HYCC2: variants seen among roughly 807,000 people sequenced by gnomAD.
HYCC2 encodes the protein hyccin 2.
the HYCC2 span, among the ~76,000 whole-genome samples, chr2:200,997,729 A>G: frequency 6.6e-6 from 1 of 152,170 alleles, no homozygotes; most frequent in Non-Finnish European, 1.5e-5. Flanking sequence ...CTTGTCATCT[A>G]TATTTCCGTT....
chr2:201,044,840 T>G, the HYCC2 span, among the ~76,000 whole-genome samples: 2 of 152,164 alleles, frequency 1.3e-5, no homozygotes, highest in Non-Finnish European at 2.9e-5. Context: ...TGAATACCAA[T>G]TACATGCTAG....
At chr2:201,067,492 T>C in the HYCC2 span, among the ~76,000 whole-genome samples, 1 of 152,232 alleles carries the variant, frequency 6.6e-6, no homozygotes, top group Non-Finnish European at 1.5e-5. Flanking sequence ...TCACACCTCT[T>C]AATATATTAC....
the HYCC2 span, chr2:200,987,267 C>A: frequency 3.7e-6 from 4 of 1,091,866 alleles, no homozygotes; most frequent in Non-Finnish European, 4.8e-6. Flanking sequence ...ACTAGAAACA[C>A]ACATTAGAAT....
the HYCC2 span, chr2:200,974,653 T>A: frequency 6.6e-6 from 1 of 151,944 alleles, no homozygotes; most frequent in African/African-American, 2.4e-5. Context: ...AGCTAATCAA[T>A]ATACTCATTA....
the HYCC2 span, among the ~76,000 whole-genome samples, chr2:201,041,890 A>G: frequency 2.0e-5 from 3 of 152,200 alleles, no homozygotes; most frequent in Non-Finnish European, 2.9e-5. Flanking sequence ...CCAACTCTAA[A>G]ATCCTAAAAA....
the HYCC2 span, among the ~76,000 whole-genome samples, chr2:201,033,039 T>C: frequency 6.6e-6 from 1 of 152,044 alleles, no homozygotes; most frequent in Non-Finnish European, 1.5e-5. Context: ...TTTTTAAATG[T>C]ATATTACTAC....
the HYCC2 span, among the ~76,000 whole-genome samples, chr2:201,005,991 G>A: frequency 6.6e-6 from 1 of 151,832 alleles, no homozygotes; most frequent in Non-Finnish European, 1.5e-5. Context: ...GCGCCACCAC[G>A]CCTGGCTAAC....
the HYCC2 span, among the ~76,000 whole-genome samples, chr2:201,029,376 C>G: frequency 6.6e-6 from 1 of 152,106 alleles, no homozygotes; most frequent in East Asian, 1.9e-4. Flanking sequence ...TGCAGCGATT[C>G]CTCAAGGATC....
At chr2:201,024,971 GGT>G in the HYCC2 span, among the ~76,000 whole-genome samples, 1 of 151,964 alleles carries the variant, frequency 6.6e-6, no homozygotes, top group African/African-American at 2.4e-5. Flanking sequence ...AACTTAGCCA[GGT>G]GTAGTGGTGT....
the HYCC2 span, among the ~76,000 whole-genome samples, chr2:200,995,433 C>T: frequency 1.3e-5 from 2 of 152,136 alleles, no homozygotes; most frequent in African/African-American, 4.8e-5. Context: ...CTACAGCTTG[C>T]TTCTAACCAG....
At chr2:201,048,506 A>ATTTT in the HYCC2 span, among the ~76,000 whole-genome samples, 111 of 141,814 alleles carry the variant, frequency 7.8e-4, no homozygotes, top group Middle Eastern at 3.7e-3. Context: ...TTTTTTTGCA[A>ATTTT]TTTTTTTTTT....
the HYCC2 span, among the ~76,000 whole-genome samples, chr2:201,037,574 C>T: frequency 6.6e-6 from 1 of 152,078 alleles, no homozygotes; most frequent in African/African-American, 2.4e-5. Context: ...ACAGAGCCCT[C>T]AGAAATAATG....
the HYCC2 span, chr2:201,045,480 A>T: frequency 1.1e-3 from 440 of 397,900 alleles, 2 homozygotes; most frequent in African/African-American, 7.9e-3. Flanking sequence ...TTAAAAAGTT[A>T]AAGTCTTAAT....
At chr2:200,993,817 T>C in the HYCC2 span, among the ~76,000 whole-genome samples, 1 of 149,730 alleles carries the variant, frequency 6.7e-6, no homozygotes, top group East Asian at 2.0e-4. Context: ...CCGTCTCTAC[T>C]AAAAATACAA....
chr2:201,070,104 T>C, the HYCC2 span, among the ~76,000 whole-genome samples: 3 of 152,196 alleles, frequency 2.0e-5, no homozygotes, highest in Admixed American at 2.0e-4. Context: ...AAATTGTTTT[T>C]CAATGACCTA....
At chr2:201,056,997 T>C in the HYCC2 span, among the ~76,000 whole-genome samples, 1 of 152,242 alleles carries the variant, frequency 6.6e-6, no homozygotes, top group African/African-American at 2.4e-5. Flanking sequence ...AAAATGTCTC[T>C]AAACATTGTC....
the HYCC2 span, among the ~76,000 whole-genome samples, chr2:200,990,668 G>A: frequency 6.6e-6 from 1 of 151,934 alleles, no homozygotes; most frequent in Non-Finnish European, 1.5e-5. Context: ...CACCTCCCGG[G>A]TTTAAGCAAT....
the HYCC2 span, among the ~76,000 whole-genome samples, chr2:200,991,887 A>T: frequency 6.6e-6 from 1 of 151,008 alleles, no homozygotes; most frequent in East Asian, 2.0e-4. Context: ...AAAACAAGAA[A>T]CAAAAAAACC....
the HYCC2 span, among the ~76,000 whole-genome samples, chr2:201,070,950 T>C: frequency 6.6e-6 from 1 of 152,308 alleles, no homozygotes; most frequent in East Asian, 1.9e-4. Context: ...GATAAGCTCT[T>C]CGTGACTACT....
Sources: allele counts gnomAD v4.1 joint callset (sites outside exome capture counted in the v4.1 genomes callset), GRCh38; gene constraint gnomAD v4.1.1; transcripts MANE v1.5; gene names NCBI Gene and HGNC (gene_info 2026-07-23, HGNC 2026-07-21).